BACE2: variants seen among roughly 807,000 people sequenced by gnomAD.
The protein encoded by BACE2 is beta-secretase 2, also known as 56 kDa aspartic-like protease.
In BACE2, 17 loss-of-function variants were observed where a neutral mutation model predicts 46.2. The observed-to-expected ratio is 0.37, with a 90% CI of 0.25 to 0.55. The LOEUF is 0.55. Among genes scored for constraint, BACE2 ranks in the 20% least tolerant of loss-of-function variants. The pLI is 0.82. For missense variants in BACE2, 595 were observed against 698.1 expected, an observed-to-expected ratio of 0.85 and a Z score of 1.66; for synonymous variants, 277 against 295.9, an observed-to-expected ratio of 0.94 and a Z score of 0.66.
intron 1 of BACE2, among the ~76,000 whole-genome samples, chr21:41,215,289 CA>C (rs1986426915): frequency 6.6e-6 from 1 of 152,160 alleles, no homozygotes; most frequent in Non-Finnish European, 1.5e-5. Flanking sequence ...AGAAATTAGC[CA>C]CTGAGTTCCT....
At chr21:41,174,433 G>A (rs980978958) in intron 1 of BACE2, among the ~76,000 whole-genome samples, 4 of 152,070 alleles carry the variant, frequency 2.6e-5, no homozygotes, top group African/African-American at 9.7e-5. Flanking sequence ...GAGCCACCGC[G>A]CGGCCAAGTG....
chr21:41,199,203 A>G (rs1400261393), intron 1 of BACE2, among the ~76,000 whole-genome samples: 2 of 151,814 alleles, frequency 1.3e-5, no homozygotes, highest in African/African-American at 4.8e-5. Flanking sequence ...CTCAGAGGTC[A>G]AGGTGCTGCC....
chr21:41,188,124 A>G (rs9978577), intron 1 of BACE2, among the ~76,000 whole-genome samples: 6,193 of 152,134 alleles, frequency 0.041, 208 homozygotes, highest in African/African-American at 0.092. Context: ...TTTGCACCCA[A>G]ATAGGAGAGA....
At chr21:41,204,833 A>G (rs941673390) in intron 1 of BACE2, among the ~76,000 whole-genome samples, 13 of 152,242 alleles carry the variant, frequency 8.5e-5, no homozygotes, top group African/African-American at 3.1e-4. Flanking sequence ...AGGTCAGTCA[A>G]TAGAGATTTA....
At position 41,273,757 on chromosome 21, in the gene BACE2, T is replaced by C. The variant is rs549935388; in HGVS notation, c.1304-1614T>C. Among the ~76,000 whole-genome samples, 21 of 152,310 alleles carry C rather than the reference T, an allele frequency of 1.4e-4. No individual in the cohort carries two copies. In the East Asian group the frequency reaches 4.0e-3, roughly 29 times the overall value. ...ACAGCATAGGAAATCACAAGAGTAT[T>C]GATTGGGGAAGTGATAAATGTCCAT... On this transcript the variant is annotated intron_variant, in intron 8 of 8. Transcript: ENST00000330333.
intron 1 of BACE2, among the ~76,000 whole-genome samples, chr21:41,221,827 C>CA (rs58502168): frequency 0.013 from 1,227 of 97,736 alleles, 17 homozygotes; most frequent in East Asian, 0.029. Flanking sequence ...GACTCTGTCT[C>CA]AAAAAAAAAA....
intron 2 of BACE2, among the ~76,000 whole-genome samples, chr21:41,226,810 A>G (rs985491634): frequency 2.0e-5 from 3 of 152,200 alleles, no homozygotes; most frequent in African/African-American, 7.2e-5. Flanking sequence ...ATAGTTCAGT[A>G]GGGGTTACGG....
intron 7 of BACE2, among the ~76,000 whole-genome samples, chr21:41,251,437 G>T (rs1323440338): frequency 1.3e-5 from 2 of 152,190 alleles, no homozygotes; most frequent in Non-Finnish European, 1.5e-5. Context: ...ACAAGGAAAA[G>T]GGAAGACCTG....
At chr21:41,261,228 TA>T (rs1484173036) in intron 8 of BACE2, among the ~76,000 whole-genome samples, 1 of 152,224 alleles carries the variant, frequency 6.6e-6, no homozygotes, top group Non-Finnish European at 1.5e-5. Flanking sequence ...GTCTTTAAAG[TA>T]GCTGAAACAT....
At position 41,275,385 on chromosome 21, in the gene BACE2, G is replaced by T. The variant is rs777444063; in HGVS notation, c.1318G>T (p.Ala440Ser). The change falls in exon 9 of 9, where the codon GCA becomes TCA. Residue 440 changes from alanine (A) to serine (S), a missense_variant. Transcript: ENST00000330333. ...TGTCTCCCCAGAAATTGCAGGTGCT[G>T]CAGTGTCTGAAATTTCCGGGCCTTT... ...ASPCAEIAGAAVSEISGPFST... is the reference protein window; with the variant it reads ...ASPCAEIAGASVSEISGPFST... 4 of 1,614,178 alleles carry T rather than the reference G, an allele frequency of 2.5e-6. No individual in the cohort carries two copies. Among genetic ancestry groups the T allele is most frequent in the Admixed American group, 1.7e-5 (1 of 60,030 alleles).
At position 41,257,184 on chromosome 21, in the gene BACE2, C is replaced by T. The variant is rs143572510; in HGVS notation, c.1161C>T (p.Ala387=). ...PQLYIQPMMG[A]GLNYECYRFG... is the part of the protein sequence containing the mutation. ...TTTACATTCAGCCCATGATGGGGGCCGGCCTGAATTATGAATGTTACCGAT... is the reference window on the plus strand; with the variant it reads ...TTTACATTCAGCCCATGATGGGGGCTGGCCTGAATTATGAATGTTACCGAT... The change falls in exon 8 of 9, where the codon GCC becomes GCT. Residue 387 remains alanine, a synonymous_variant. Transcript: ENST00000330333. 38 of 1,614,134 alleles carry T rather than the reference C, an allele frequency of 2.4e-5. No individual in the cohort carries two copies. The highest frequency in any genetic ancestry group is 3.1e-5 in the Non-Finnish European group (36 of 1,180,026).
chr21:41,272,700 G>A (rs182298997), intron 8 of BACE2, among the ~76,000 whole-genome samples: 78 of 152,134 alleles, frequency 5.1e-4, no homozygotes, highest in Non-Finnish European at 9.9e-4. Flanking sequence ...GGCATCCTGA[G>A]TAGAATACAG....
intron 8 of BACE2, among the ~76,000 whole-genome samples, chr21:41,269,458 G>A (rs1161718932): frequency 6.6e-6 from 1 of 152,206 alleles, no homozygotes; most frequent in African/African-American, 2.4e-5. Context: ...ACAAGGTAGT[G>A]ATCATATGCA....
intron 6 of BACE2, among the ~76,000 whole-genome samples, chr21:41,246,763 C>G (rs1263288519): frequency 6.6e-6 from 1 of 152,136 alleles, no homozygotes; most frequent in Non-Finnish European, 1.5e-5. Flanking sequence ...GGATACAGGA[C>G]AGCTTTGGGG....
chr21:41,275,177 C>T (rs1225962371), intron 8 of BACE2, among the ~76,000 whole-genome samples, 194 bp from the exon 9 acceptor site: 1 of 152,150 alleles, frequency 6.6e-6, no homozygotes, highest in Non-Finnish European at 1.5e-5. Context: ...GCCGTCGTTC[C>T]AGTTTGCAGG....
intron 1 of BACE2, among the ~76,000 whole-genome samples, chr21:41,186,949 A>G (rs775357633): frequency 2.6e-5 from 4 of 152,216 alleles, no homozygotes; most frequent in Admixed American, 6.5e-5. Flanking sequence ...TGCCATGGAA[A>G]CGGTAAACCG....
rs1453783052 is a variant in BACE2 at position 41,168,348 on chromosome 21, T to C, written c.85T>C (p.Phe29Leu). 4 of 1,380,906 alleles carry C rather than the reference T, an allele frequency of 2.9e-6. No individual in the cohort carries two copies. Among genetic ancestry groups the C allele is most frequent in the Non-Finnish European group, 3.8e-6 (4 of 1,063,582 alleles). The allele number at this position is 1,380,906 out of a possible 1,614,324, so 85.5% of individuals were successfully genotyped here. ...CGCCCCGGAGCTGGCCCCCGCGCCC[T>C]TCACGCTGCCCCTCCGGGTGGCCGC... is the stretch of plus-strand genomic sequence containing the variant. ...RAAPELAPAP[F>L]TLPLRVAAAT... The change falls in exon 1 of 9, where the codon TTC becomes CTC. Residue 29 changes from phenylalanine (F) to leucine (L), a missense_variant. Phe to Leu is a conservative substitution (Grantham distance 22). This residue lies in a region of BACE2 where 248 missense variants were observed against 261.4 expected (regional missense o/e 0.95). Coordinates refer to ENST00000330333, the MANE Select transcript of BACE2 (RefSeq NM_012105.5).
intron 4 of BACE2, among the ~76,000 whole-genome samples, chr21:41,242,705 A>G (rs935056043): frequency 5.9e-5 from 9 of 152,120 alleles, no homozygotes; most frequent in African/African-American, 2.2e-4. Flanking sequence ...ACCTCCAAGG[A>G]ACTAAATAAT....
At chr21:41,225,017 G>C (rs369239561) in intron 1 of BACE2, among the ~76,000 whole-genome samples, 1 of 152,122 alleles carries the variant, frequency 6.6e-6, no homozygotes, top group Non-Finnish European at 1.5e-5. Flanking sequence ...GGCAGATCAC[G>C]ACTTCAGGAG....
Sources: gnomAD v4.1 joint callset for allele counts (sites outside exome capture counted in the v4.1 genomes callset) on GRCh38, gnomAD v4.1.1 for gene constraint, gnomAD v4.1.1 regional missense constraint, MANE v1.5 for transcripts, NCBI Gene and HGNC (gene_info 2026-07-23, HGNC 2026-07-21) for gene names.